The following TIGD2 variants were observed in gnomAD, a reference collection of about 807,000 sequenced individuals.
TIGD2 encodes tigger transposable element-derived protein 2.
Under a neutral mutation model 27.0 loss-of-function variants are expected in TIGD2, and 14 were observed. The observed-to-expected ratio is 0.52, with a 90% CI of 0.34 to 0.81. TIGD2 has a LOEUF of 0.81. Ranked by LOEUF, TIGD2 falls within the 30% of genes least tolerant of loss-of-function variation. The pLI is 0.01. For missense variants in TIGD2, 590 were observed against 617.3 expected, an observed-to-expected ratio of 0.96 and a Z score of 0.47; for synonymous variants, 201 against 209.0, an observed-to-expected ratio of 0.96 and a Z score of 0.33.
In TIGD2 at chr4:89,114,101, T is replaced by G; in HGVS notation, c.1127T>G (p.Val376Gly). 6.2e-7 allele frequency: 1 copy of G among 1,614,144 alleles called. No individual in the cohort carries two copies. Reference protein sequence around the residue: ...IYEVSRAWNMVKSSTITKAWK... With the variant: ...IYEVSRAWNMGKSSTITKAWK... The stretch of plus-strand genomic sequence containing the variant: ...GAAGTGTCAAGAGCTTGGAACATGG[T>G]AAAATCAAGTACCATAACCAAAGCA... Residue 376 changes from valine (V) to glycine (G), a missense_variant, in exon 2 of 2, where the codon GTA becomes GGA. Physicochemically the swap from Val to Gly is moderately radical, Grantham distance 109. Coordinates refer to ENST00000603357, the MANE Select transcript of TIGD2 (RefSeq NM_145715.3).
At position 89,112,911 on chromosome 4, in the gene TIGD2, GTATTCAAATCTTAGTTGTTAATTATC is replaced by G; in HGVS notation, c.-62_-37del. 1 of 1,385,376 alleles carries G rather than the reference GTATTCAAATCTTAGTTGTTAATTATC, an allele frequency of 7.2e-7. No homozygotes were observed. The highest frequency in any genetic ancestry group is 9.8e-7 in the Non-Finnish European group (1 of 1,018,702). 85.8% of individuals were successfully genotyped at this position (1,385,376 alleles called of 1,614,324 possible). A position where few individuals can be genotyped will look rare whatever the true frequency, so the allele number is the denominator to read the frequency against. On this transcript the variant is annotated 5_prime_UTR_variant, in exon 2 of 2. Transcript: ENST00000603357. ...TACGAACTCATTTTCTAGTTGCTTT[GTATTCAAATCTTAGTTGTTAATTATC>G]TTGTTCTAGTAATCACCTAAAATAT...
rs147964825 is a variant in TIGD2 at position 89,113,617 on chromosome 4, G to A, written c.643G>A (p.Ala215Thr). 15 of 1,614,090 alleles carry A rather than the reference G, an allele frequency of 9.3e-6. No homozygotes were observed. The highest frequency in any genetic ancestry group is 6.7e-5 in the African/African-American group (5 of 75,026). ...SRERIIIMCC[A>T]NATGLHKLNL... ...AGAGAGAATCATCATTATGTGTTGC[G>A]CAAATGCCACAGGTTTACACAAACT... Residue 215 changes from alanine to threonine, a missense_variant, in exon 2 of 2, where the codon GCA (alanine) becomes ACA (threonine). Physicochemically the swap from Ala to Thr is moderately conservative, Grantham distance 58. Around this residue, in one of 3 missense-constraint regions of TIGD2, gnomAD observed 451 missense variants for 448.0 expected, o/e 1.01. Transcript: ENST00000603357.
chr4:89,114,556 G>A lies in TIGD2; in HGVS notation c.*4G>A. On this transcript the variant is annotated 3_prime_UTR_variant, in exon 2 of 2. Transcript: ENST00000603357. ...CCAAAATAACAAAAATCATTAATAA[G>A]GCTCTTAAGTATTTCAGTGTATCTG... The A allele has an allele frequency of 6.3e-7, 1 of 1,575,060 alleles. No homozygotes were observed. The highest frequency in any genetic ancestry group is 1.2e-5 in the South Asian group (1 of 85,352).
Position 89,114,002 on chromosome 4 carries a change from T to C in TIGD2, c.1028T>C (p.Leu343Pro), listed in dbSNP as rs1041913132. ...TVKRYYRAGL[L>P]QKYMDEGNDP... ...AAAAGATACTATCGAGCAGGACTTC[T>C]CCAGAAATACATGGATGAAGGAAAT... Residue 343 changes from leucine to proline, a missense_variant, in exon 2 of 2, where the codon CTC becomes CCC. Coordinates refer to ENST00000603357, the MANE Select transcript of TIGD2 (RefSeq NM_145715.3). 1 of 1,614,096 alleles carries C rather than the reference T, an allele frequency of 6.2e-7. No individual in the cohort carries two copies. Among genetic ancestry groups the C allele is most frequent in the African/African-American group, 1.3e-5 (1 of 75,050 alleles).
chr4:89,114,257 T>G lies in TIGD2; in HGVS notation c.1283T>G (p.Ile428Ser). Residue 428 changes from isoleucine (I) to serine (S), a missense_variant, in exon 2 of 2, where the codon ATT becomes AGT. By Grantham distance (142) the Ile-to-Ser change is moderately radical. Coordinates refer to ENST00000603357, the MANE Select transcript of TIGD2 (RefSeq NM_145715.3). ...TGTGAACATGTTGACATTGAGAATA[T>G]TGATCAGTGGTTCGACTCTCGGAGC... ...EECEHVDIENIDQWFDSRSSD... is the reference protein window; with the variant it reads ...EECEHVDIENSDQWFDSRSSD... 6.2e-7 allele frequency: 1 copy of G among 1,614,154 alleles called. No homozygotes were observed. Among genetic ancestry groups the G allele is most frequent in the South Asian group, 1.1e-5 (1 of 91,086 alleles).
At chr4:89,111,362 C>G, upstream of TIGD2, 1 of 358,184 alleles carries the variant, frequency 2.8e-6, no homozygotes, top group Non-Finnish European at 3.9e-6. Context: ...GGCCCCGAAA[C>G]GGCCAGGCGG....
At position 89,113,707 on chromosome 4, in the gene TIGD2, C is replaced by G. The variant is rs1480082969; in HGVS notation, c.733C>G (p.Leu245Val). 11 of 1,614,038 alleles carry G rather than the reference C, an allele frequency of 6.8e-6. No individual in the cohort carries two copies. Among genetic ancestry groups the G allele is most frequent in the Non-Finnish European group, 9.3e-6 (11 of 1,180,040 alleles). Reference sequence around the variant, plus strand: ...ATTCAAAGGCACTGACCTTTCAAACCTTCCTGTGACATATTACAGTCAAAA... The same window carrying G: ...ATTCAAAGGCACTGACCTTTCAAACGTTCCTGTGACATATTACAGTCAAAA... ...RAFKGTDLSN[L>V]PVTYYSQKGA... Residue 245 changes from leucine to valine, a missense_variant, in exon 2 of 2, where the codon CTT (leucine) becomes GTT (valine). Transcript: ENST00000603357.
In TIGD2 at chr4:89,113,158, A is replaced by G. The variant is rs200947942; in HGVS notation, c.184A>G (p.Thr62Ala). ...IINYANSSDP[T>A]SGVSKRKSMK... Reference sequence around the variant, plus strand: ...AAACTATGCAAACAGTTCAGATCCTACCAGTGGAGTATCCAAACGTAAATC... The same window carrying G: ...AAACTATGCAAACAGTTCAGATCCTGCCAGTGGAGTATCCAAACGTAAATC... The change falls in exon 2 of 2, where the codon ACC becomes GCC. Residue 62 changes from threonine to alanine, a missense_variant. By Grantham distance (58) the Thr-to-Ala change is moderately conservative. Around this residue, in one of 3 missense-constraint regions of TIGD2, gnomAD observed 92 missense variants for 89.6 expected, o/e 1.03. Transcript: ENST00000603357. 9.2e-5 allele frequency: 149 copies of G among 1,614,006 alleles called. No individual in the cohort carries two copies. Among genetic ancestry groups the G allele is most frequent in the Non-Finnish European group, 1.1e-4 (134 of 1,180,034 alleles).
Position 89,113,156 on chromosome 4 carries a change from C to G in TIGD2, c.182C>G (p.Pro61Arg). 6.2e-7 allele frequency: 1 copy of G among 1,614,050 alleles called. No individual in the cohort carries two copies. Among genetic ancestry groups the G allele is most frequent in the Non-Finnish European group, 8.5e-7 (1 of 1,180,022 alleles). ...RIINYANSSDPTSGVSKRKSM... is the reference protein window; with the variant it reads ...RIINYANSSDRTSGVSKRKSM... ...ATAAACTATGCAAACAGTTCAGATC[C>G]TACCAGTGGAGTATCCAAACGTAAA... Residue 61 changes from proline to arginine, a missense_variant, in exon 2 of 2, where the codon CCT becomes CGT. Physicochemically the swap from Pro to Arg is moderately radical, Grantham distance 103. Transcript: ENST00000603357.
At position 89,113,928 on chromosome 4, in the gene TIGD2, T is replaced by G. The variant is rs1721162496; in HGVS notation, c.954T>G (p.Asn318Lys). The G allele has an allele frequency of 6.2e-7, 1 of 1,614,046 alleles. No homozygotes were observed. Among genetic ancestry groups the G allele is most frequent in the Non-Finnish European group, 8.5e-7 (1 of 1,180,012 alleles). The change falls in exon 2 of 2, where the codon AAT becomes AAG. Residue 318 changes from asparagine (N) to lysine (K), a missense_variant. Asn to Lys is a moderately conservative substitution (Grantham distance 94). Transcript: ENST00000603357. ...GRIIVKYLPP[N>K]VTSLIQPMSQ... is the part of the protein sequence containing the mutation. ...TAATTGTGAAGTATTTGCCACCAAATGTCACAAGTCTGATTCAACCAATGA... is the reference window on the plus strand; with the variant it reads ...TAATTGTGAAGTATTTGCCACCAAAGGTCACAAGTCTGATTCAACCAATGA...
In TIGD2 at chr4:89,113,860, G is replaced by A; in HGVS notation, c.886G>A (p.Ala296Thr). The A allele has an allele frequency of 6.2e-7, 1 of 1,614,180 alleles. No homozygotes were observed. ...KAVLLLDFPP[A>T]RPNEEMLSSD... ...AGTGCTTCTTTTAGATTTCCCCCCAGCACGTCCAAATGAAGAAATGTTGAG... is the reference window on the plus strand; with the variant it reads ...AGTGCTTCTTTTAGATTTCCCCCCAACACGTCCAAATGAAGAAATGTTGAG... The change falls in exon 2 of 2, where the codon GCA (alanine) becomes ACA (threonine). Residue 296 changes from alanine (A) to threonine (T), a missense_variant. Ala to Thr is a moderately conservative substitution (Grantham distance 58). Around this residue, in one of 3 missense-constraint regions of TIGD2, gnomAD observed 451 missense variants for 448.0 expected, o/e 1.01. Transcript: ENST00000603357.
At position 89,113,608 on chromosome 4, in the gene TIGD2, A is replaced by G; in HGVS notation, c.634A>G (p.Met212Val). 6.2e-7 allele frequency: 1 copy of G among 1,614,164 alleles called. No individual in the cohort carries two copies. The highest frequency in any genetic ancestry group is 1.1e-5 in the South Asian group (1 of 91,090). Residue 212 changes from methionine to valine, a missense_variant, in exon 2 of 2, where the codon ATG (methionine) becomes GTG (valine). Transcript: ENST00000603357. ...CRSSRERIII[M>V]CCANATGLHK... Reference sequence around the variant, plus strand: ...GTCAAGCAGAGAGAGAATCATCATTATGTGTTGCGCAAATGCCACAGGTTT... The same window carrying G: ...GTCAAGCAGAGAGAGAATCATCATTGTGTGTTGCGCAAATGCCACAGGTTT...
At position 89,112,829 on chromosome 4, in the gene TIGD2, C is replaced by T; in HGVS notation, c.-146C>T. 3.1e-6 allele frequency: 2 copies of T among 644,604 alleles called. No individual in the cohort carries two copies. The highest frequency in any genetic ancestry group is 4.6e-5 in the South Asian group (2 of 43,122). The allele number at this position is 644,604 out of a possible 1,614,324, so 39.9% of individuals were successfully genotyped here. On this transcript the variant is annotated 5_prime_UTR_variant, in exon 2 of 2. Coordinates refer to ENST00000603357, the MANE Select transcript of TIGD2 (RefSeq NM_145715.3). Reference sequence around the variant, plus strand: ...AAAATAGCAAGTAGATTCACGTAGACCTTGTCAGGAAATTGGTCACTATCC... The same window carrying T: ...AAAATAGCAAGTAGATTCACGTAGATCTTGTCAGGAAATTGGTCACTATCC...
chr4:89,111,225 T>TG (rs960975255), upstream of TIGD2: 157 of 983,962 alleles, frequency 1.6e-4, no homozygotes, highest in Middle Eastern at 5.2e-4. Context: ...CCCCCAGCAC[T>TG]GGGGGGGTGA....
chr4:89,114,720 AG>A lies in TIGD2; in HGVS notation c.*169del. ...ATTACAACTCTTTAATGTTGACTCT[AG>A]TCATTGGGCATTGACGTGTAACTTG... On this transcript the variant is annotated 3_prime_UTR_variant, in exon 2 of 2. Transcript: ENST00000603357. 1 of 657,942 alleles carries A rather than the reference AG, an allele frequency of 1.5e-6. No homozygotes were observed. The highest frequency in any genetic ancestry group is 2.5e-6 in the Non-Finnish European group (1 of 392,744). The allele number at this position is 657,942 out of a possible 1,614,324, so 40.8% of individuals were successfully genotyped here. A position where few individuals can be genotyped will look rare whatever the true frequency, so the allele number is the denominator to read the frequency against.
chr4:89,111,415 GC>G (rs35525570), upstream of TIGD2: 156,870 of 169,200 alleles, frequency 0.93, 72,932 homozygotes, highest in African/African-American at 0.98. Flanking sequence ...CCCCTGCCGG[GC>G]CCCCGCCCCT....
At position 89,114,082 on chromosome 4, in the gene TIGD2, T is replaced by G. The variant is rs776247706; in HGVS notation, c.1108T>G (p.Ser370Ala). The change falls in exon 2 of 2, where the codon TCA (serine) becomes GCA (alanine). Residue 370 changes from serine to alanine, a missense_variant. Ser to Ala is a moderately conservative substitution (Grantham distance 99). Coordinates refer to ENST00000603357, the MANE Select transcript of TIGD2 (RefSeq NM_145715.3). ...LTVLDAIYEV[S>A]RAWNMVKSST... ...AGTGTTGGATGCAATTTATGAAGTG[T>G]CAAGAGCTTGGAACATGGTAAAATC... The G allele has an allele frequency of 6.2e-6, 10 of 1,614,142 alleles. No homozygotes were observed. In the Admixed American group the frequency reaches 1.7e-4, roughly 27 times the overall value.
rs1360962858 is a variant in TIGD2 at position 89,113,992 on chromosome 4, G to T, written c.1018G>T (p.Ala340Ser). The change falls in exon 2 of 2, where the codon GCA becomes TCA. Residue 340 changes from alanine to serine, a missense_variant. This residue lies in a region of TIGD2 where 451 missense variants were observed against 448.0 expected (regional missense o/e 1.01). Transcript: ENST00000603357. ...AGCCACTGTAAAAAGATACTATCGA[G>T]CAGGACTTCTCCAGAAATACATGGA... ...VLATVKRYYRAGLLQKYMDEG... is the reference protein window; with the variant it reads ...VLATVKRYYRSGLLQKYMDEG... 3 of 1,613,968 alleles carry T rather than the reference G, an allele frequency of 1.9e-6. No homozygotes were observed. Among genetic ancestry groups the T allele is most frequent in the Non-Finnish European group, 2.5e-6 (3 of 1,180,028 alleles).
Position 89,114,339 on chromosome 4 carries a change from G to C in TIGD2, c.1365G>C (p.Lys455Asn). The C allele has an allele frequency of 6.2e-7, 1 of 1,614,056 alleles. No individual in the cohort carries two copies. Among genetic ancestry groups the C allele is most frequent in the East Asian group, 2.2e-5 (1 of 44,874 alleles). ...TDSESAEDQT[K>N]AAEQKPSSKS... Reference sequence around the variant, plus strand: ...GTGAAAGTGCTGAGGACCAGACCAAGGCTGCTGAGCAAAAGCCTTCCAGTA... The same window carrying C: ...GTGAAAGTGCTGAGGACCAGACCAACGCTGCTGAGCAAAAGCCTTCCAGTA... Residue 455 changes from lysine (K) to asparagine (N), a missense_variant, in exon 2 of 2, where the codon AAG becomes AAC. Physicochemically the swap from Lys to Asn is moderately conservative, Grantham distance 94. Coordinates refer to ENST00000603357, the MANE Select transcript of TIGD2 (RefSeq NM_145715.3).
Sources: allele counts gnomAD v4.1 joint callset, GRCh38; gene constraint gnomAD v4.1.1; regional missense constraint gnomAD v4.1.1; transcripts MANE v1.5; gene names NCBI Gene and HGNC (gene_info 2026-07-23, HGNC 2026-07-21).